PRKDC: variants seen among roughly 807,000 people sequenced by gnomAD.
PRKDC encodes DNA-dependent protein kinase catalytic subunit.
Under a neutral mutation model 486.9 loss-of-function variants are expected in PRKDC, and 82 were observed. The ratio of observed to expected loss-of-function variants is 0.17; its 90% CI spans 0.14 to 0.20. The LOEUF (loss-of-function observed/expected upper bound fraction) is 0.20, where lower values mean the gene tolerates loss of function less well. Ranked by LOEUF, PRKDC falls within the 10% of genes least tolerant of loss-of-function variation. The pLI is 1.00. For missense variants in PRKDC, 4,504 were observed against 5,038.2 expected, an observed-to-expected ratio of 0.89 and a Z score of 3.21; for synonymous variants, 1,895 against 1,837.0, an observed-to-expected ratio of 1.03 and a Z score of -0.81.
Position 47,826,684 on chromosome 8 carries a change from C to G in PRKDC, c.8755G>C (p.Asp2919His), listed in dbSNP as rs761287517. Residue 2919 changes from aspartate (D) to histidine (H), a missense_variant, in exon 63 of 86, where the codon GAT becomes CAT. Around this residue, in one of 6 missense-constraint regions of PRKDC, gnomAD observed 1,592 missense variants for 1,724.6 expected, o/e 0.92. Transcript: ENST00000314191. ...RVRGKARLPP[D>H]VLRWVELAKL... Reference sequence around the variant, plus strand: ...GCAAGCTCCACCCATCTGAGGACATCAGGAGGGAGGCGGGCCTTCCCACGG... The same window carrying G: ...GCAAGCTCCACCCATCTGAGGACATGAGGAGGGAGGCGGGCCTTCCCACGG... 1.1e-5 allele frequency: 18 copies of G among 1,612,886 alleles called. No homozygotes were observed. In the South Asian group the frequency reaches 1.6e-4, roughly 15 times the overall value.
rs368287493 is a variant in PRKDC, at chr8:47,807,791, C to T, written c.9558-465G>A. Among the ~76,000 whole-genome samples the T allele has an allele frequency of 1.9e-4, 29 of 152,078 alleles. 1 individual carries two copies. The highest frequency in any genetic ancestry group is 6.5e-4 in the African/African-American group (27 of 41,488). On this transcript the variant is annotated intron_variant, in intron 68 of 85. Coordinates refer to ENST00000314191, the MANE Select transcript of PRKDC (RefSeq NM_006904.7). The stretch of plus-strand genomic sequence containing the variant: ...AGTGCAGTGGCACGATCTCGACTTA[C>T]TGCAACCTCCACCTTCTGGGTTCAA...
intron 40 of PRKDC, among the ~76,000 whole-genome samples, chr8:47,873,000 T>C (rs778135163): frequency 2.6e-5 from 4 of 152,110 alleles, no homozygotes; most frequent in Non-Finnish European, 5.9e-5. Flanking sequence ...ATTACCCTGA[T>C]AGGCACATGG....
intron 68 of PRKDC, among the ~76,000 whole-genome samples, chr8:47,808,362 T>TCTCGAGCTCCTGGG (rs1320440707): frequency 6.6e-6 from 1 of 152,176 alleles, no homozygotes; most frequent in East Asian, 1.9e-4. Context: ...GCCAGGCTGG[T>TCTCGAGCTCCTGGG]CTCGAGCTCC....
chr8:47,897,089 ATTC>A (rs1427450571), intron 30 of PRKDC, 69 bp downstream of exon 30: 5 of 1,437,814 alleles, frequency 3.5e-6, no homozygotes, highest in Non-Finnish European at 3.8e-6. Context: ...CAATTACTCA[ATTC>A]TTCTTTACTT....
intron 52 of PRKDC, 46 bp downstream of exon 52, chr8:47,852,627 A>G (rs368550919): frequency 1.1e-5 from 13 of 1,238,030 alleles, no homozygotes; most frequent in African/African-American, 3.0e-5. Flanking sequence ...ATAACAAATC[A>G]AAACAGAGTA....
intron 83 of PRKDC, 24 bp from the exon 84 acceptor site, chr8:47,777,898 G>A (rs1563728973): frequency 6.2e-7 from 1 of 1,606,472 alleles, no homozygotes. Context: ...AAGGCAAGGA[G>A]CAGAATATGT....
chr8:47,777,322 C>T (rs1046070652), intron 84 of PRKDC, among the ~76,000 whole-genome samples: 1 of 152,086 alleles, frequency 6.6e-6, no homozygotes, highest in Non-Finnish European at 1.5e-5. Context: ...CATTCTCCTG[C>T]CTCAGCCTCC....
intron 20 of PRKDC, 83 bp downstream of exon 20, chr8:47,927,688 C>T (rs543170368): frequency 5.0e-6 from 7 of 1,396,050 alleles, no homozygotes; most frequent in Admixed American, 6.7e-5. Flanking sequence ...GCTGGGACTG[C>T]CAGGGCAAGA....
At chr8:47,890,616 C>A in intron 31 of PRKDC, 136 bp from the exon 32 acceptor site, 1 of 575,782 alleles carries the variant, frequency 1.7e-6, no homozygotes, top group Non-Finnish European at 3.0e-6. Context: ...AAACAAACAG[C>A]TTAATAATAG....
intron 36 of PRKDC, among the ~76,000 whole-genome samples, chr8:47,882,988 T>C (rs1004404678): frequency 1.3e-5 from 2 of 152,226 alleles, no homozygotes; most frequent in African/African-American, 2.4e-5. Flanking sequence ...GCAATGCTGG[T>C]GCTGGACCTG....
chr8:47,909,236 C>T (rs1043978161), intron 25 of PRKDC, among the ~76,000 whole-genome samples: 3 of 152,144 alleles, frequency 2.0e-5, no homozygotes, highest in Non-Finnish European at 4.4e-5. Context: ...GGCAGAAGAA[C>T]GTAAATTGTG....
rs1485179863 is a variant in PRKDC, at chr8:47,957,040, C to T, written c.324+131G>A. On this transcript the variant is annotated intron_variant, in intron 3 of 85. Transcript: ENST00000314191. ...CCACTTCATTTGTAACACAATGAAG[C>T]AGAAATAAGCAAATTCCCCAATGAG... 1.9e-5 allele frequency: 9 copies of T among 473,192 alleles called. No individual in the cohort carries two copies. In the African/African-American group the frequency reaches 2.0e-4, roughly 10 times the overall value. 29.3% of individuals were successfully genotyped at this position (473,192 alleles called of 1,614,324 possible). A position where few individuals can be genotyped will look rare whatever the true frequency, so the allele number is the denominator to read the frequency against.
At chr8:47,943,483 T>C (rs1053317079) in intron 9 of PRKDC, 117 bp from the exon 10 acceptor site, 8 of 1,067,414 alleles carry the variant, frequency 7.5e-6, no homozygotes, top group Non-Finnish European at 9.2e-6. Flanking sequence ...TCTAGTACCA[T>C]TACACTACAG....
At chr8:47,784,105 A>C (rs1357579138) in intron 77 of PRKDC, 1 of 271,602 alleles carries the variant, frequency 3.7e-6, no homozygotes, top group Non-Finnish European at 7.2e-6. Flanking sequence ...AAAAATACAA[A>C]AAATTGGCCG....
chr8:47,855,773 A>G (rs905610488), intron 49 of PRKDC, among the ~76,000 whole-genome samples: 2 of 152,156 alleles, frequency 1.3e-5, no homozygotes, highest in Non-Finnish European at 2.9e-5. Context: ...TCTTCCCTAT[A>G]AAACTGCAGA....
intron 10 of PRKDC, among the ~76,000 whole-genome samples, chr8:47,942,061 G>A (rs2090454338): frequency 1.3e-5 from 2 of 152,208 alleles, no homozygotes; most frequent in Non-Finnish European, 2.9e-5. Flanking sequence ...AAGGCCCCCA[G>A]GGTGCCACCA....
chr8:47,821,862 G>C lies in PRKDC; in HGVS notation c.8923-70C>G, dbSNP rs2087605135. 5 of 1,303,112 alleles carry C rather than the reference G, an allele frequency of 3.8e-6. No individual in the cohort carries two copies. In the East Asian group the frequency reaches 7.8e-5, roughly 20 times the overall value. The allele number at this position is 1,303,112 out of a possible 1,614,324, so 80.7% of individuals were successfully genotyped here. ...AATACCAATGAGAACACGTAAAAAG[G>C]AGGAATGTAACAATCACACTAAAAA... On this transcript the variant is annotated intron_variant, in intron 64 of 85. Transcript: ENST00000314191.
intron 62 of PRKDC, 51 bp downstream of exon 62, chr8:47,828,117 G>A: frequency 1.3e-6 from 2 of 1,543,494 alleles, no homozygotes; most frequent in Non-Finnish European, 8.9e-7. Context: ...GAAAGGCCAT[G>A]TGAAGCCACA....
In PRKDC at chr8:47,927,788, A is replaced by T. The variant is rs2154503432; in HGVS notation, c.2242T>A (p.Tyr748Asn). ...ACGCCTACCTGCAGTGCAGGAACGT[A>T]GGCTCTAACATCGAGTTCAATGATG... ...HNIIELDVRA[Y>N]VPALQMAFKL... The change falls in exon 20 of 86, where the codon TAC (tyrosine) becomes AAC (asparagine). Residue 748 changes from tyrosine (Y) to asparagine (N), a missense_variant. Physicochemically the swap from Tyr to Asn is moderately radical, Grantham distance 143. Transcript: ENST00000314191. 1.3e-6 allele frequency: 2 copies of T among 1,569,548 alleles called. No individual in the cohort carries two copies. The highest frequency in any genetic ancestry group is 2.4e-5 in the South Asian group (2 of 81,824).
Sources: allele counts gnomAD v4.1 joint callset (sites outside exome capture counted in the v4.1 genomes callset), GRCh38; gene constraint gnomAD v4.1.1; regional missense constraint gnomAD v4.1.1; transcripts MANE v1.5; gene names NCBI Gene and HGNC (gene_info 2026-07-23, HGNC 2026-07-21).